Variants in PRICKLE2 observed in about 807,000 individuals in gnomAD.
PRICKLE2 encodes the protein prickle planar cell polarity protein 2.
PRICKLE2 carries 21 observed loss-of-function variants against 81.4 expected under a neutral mutation model. That is an observed-to-expected ratio of 0.26 (90% CI 0.18 to 0.37). The LOEUF is 0.37. Among genes scored for constraint, PRICKLE2 ranks in the 10% least tolerant of loss-of-function variants. The pLI, the probability that PRICKLE2 is intolerant of heterozygous loss-of-function variation, is 1.00. For missense variants in PRICKLE2, 940 were observed against 1,109.0 expected, an observed-to-expected ratio of 0.85 and a Z score of 2.16; for synonymous variants, 456 against 421.5, an observed-to-expected ratio of 1.08 and a Z score of -1.00.
At position 64,106,644 on chromosome 3, in the gene PRICKLE2, C is replaced by T. The variant is rs1270830320; in HGVS notation, c.1661-6719G>A. Among the ~76,000 whole-genome samples the T allele has an allele frequency of 3.3e-5, 5 of 152,358 alleles. No individual in the cohort carries two copies. In the East Asian group the frequency reaches 5.8e-4, roughly 18 times the overall value. On this transcript the variant is annotated intron_variant, in intron 7 of 7. Coordinates refer to ENST00000638394, the MANE Select transcript of PRICKLE2 (RefSeq NM_198859.4). ...TCACTCCATTTGTCTGTGCTGAACACGACACAGTGTCAAAATAATGCAAAT... is the reference window on the plus strand; with the variant it reads ...TCACTCCATTTGTCTGTGCTGAACATGACACAGTGTCAAAATAATGCAAAT...
intron 7 of PRICKLE2, among the ~76,000 whole-genome samples, chr3:64,138,290 G>T (rs2077307678): frequency 6.6e-6 from 1 of 152,182 alleles, no homozygotes; most frequent in South Asian, 2.1e-4. Context: ...CATGACTCAG[G>T]TCTGACATAC....
At chr3:64,158,131 T>C (rs2077668650) in intron 4 of PRICKLE2, among the ~76,000 whole-genome samples, 1 of 152,206 alleles carries the variant, frequency 6.6e-6, no homozygotes, top group Non-Finnish European at 1.5e-5. Context: ...ATGTGGAAAG[T>C]AGGTCTAGGG....
intron 1 of PRICKLE2, among the ~76,000 whole-genome samples, chr3:64,211,243 C>T (rs1357676535): frequency 6.6e-6 from 1 of 152,034 alleles, no homozygotes; most frequent in Non-Finnish European, 1.5e-5. Flanking sequence ...GAGGCAATGC[C>T]GAAATACTTG....
At position 64,261,511 on chromosome 3, in the gene PRICKLE2, T is replaced by A. The variant is rs140945370; in HGVS notation, c.129-62544A>T. ...TCTTGGAAAGTGCTTTGGAGAAAAG[T>A]TGGTAAGATAATGTGGCCAAGAAAA... On this transcript the variant is annotated intron_variant, in intron 2 of 8. Transcript: ENST00000295902. Among the ~76,000 whole-genome samples, 11 of 152,040 alleles carry A rather than the reference T, an allele frequency of 7.2e-5. No homozygotes were observed. The East Asian group carries it at 2.1e-3, about 29-fold the overall frequency.
chr3:64,191,897 G>A (rs1346956125), intron 2 of PRICKLE2, among the ~76,000 whole-genome samples: 4 of 152,144 alleles, frequency 2.6e-5, no homozygotes, highest in African/African-American at 7.2e-5. Context: ...CCTGGGTTTG[G>A]ATACACAGTG....
intron 7 of PRICKLE2, among the ~76,000 whole-genome samples, chr3:64,109,416 C>A (rs1174774600): frequency 6.6e-6 from 1 of 152,180 alleles, no homozygotes; most frequent in African/African-American, 2.4e-5. Context: ...CAGCCACTGG[C>A]CTATCTAGCA....
chr3:64,178,995 CTTTCTTTCTT>C (rs2078074847), intron 2 of PRICKLE2, among the ~76,000 whole-genome samples: 4 of 147,010 alleles, frequency 2.7e-5, no homozygotes, highest in African/African-American at 1.0e-4. Flanking sequence ...TTCTTTCTTT[CTTTCTTTCTT>C]TCTTTCTTTC....
chr3:64,208,914 G>A (rs1186091733), intron 1 of PRICKLE2, among the ~76,000 whole-genome samples: 1 of 151,894 alleles, frequency 6.6e-6, no homozygotes, highest in Non-Finnish European at 1.5e-5. Context: ...CCATCTACCT[G>A]TCCATCCATC....
chr3:64,128,858 G>C (rs929249609), intron 7 of PRICKLE2, among the ~76,000 whole-genome samples: 5 of 150,132 alleles, frequency 3.3e-5, no homozygotes, highest in African/African-American at 7.4e-5. Flanking sequence ...CTCCACCAAA[G>C]AAACAAACAA....
chr3:64,193,093 C>T (rs371014929), intron 2 of PRICKLE2, among the ~76,000 whole-genome samples: 7 of 152,156 alleles, frequency 4.6e-5, no homozygotes, highest in African/African-American at 1.7e-4. Flanking sequence ...TTACACATGA[C>T]CACTACACCT....
At chr3:64,222,308 A>G (rs2078968239) in intron 1 of PRICKLE2, among the ~76,000 whole-genome samples, 1 of 152,196 alleles carries the variant, frequency 6.6e-6, no homozygotes, top group Admixed American at 6.5e-5. Context: ...CAACTCTACT[A>G]AAGATCAGTA....
At chr3:64,173,841 G>T (rs778970076) in intron 2 of PRICKLE2, among the ~76,000 whole-genome samples, 1 of 152,076 alleles carries the variant, frequency 6.6e-6, no homozygotes, top group Non-Finnish European at 1.5e-5. Context: ...AGCCTTTTCC[G>T]AATCTCCAGA....
chr3:64,098,970 G>A lies in PRICKLE2; in HGVS notation c.*81C>T. Reference sequence around the variant, plus strand: ...TCCCCCATAAGCCACCCCCAAAAGCGCTTTAACATTTAAAACAGTGCAAGT... The same window carrying A: ...TCCCCCATAAGCCACCCCCAAAAGCACTTTAACATTTAAAACAGTGCAAGT... On this transcript the variant is annotated 3_prime_UTR_variant, in exon 8 of 8. Transcript: ENST00000638394. 4 of 1,555,216 alleles carry A rather than the reference G, an allele frequency of 2.6e-6. No homozygotes were observed. Among genetic ancestry groups the A allele is most frequent in the East Asian group, 2.2e-5 (1 of 44,610 alleles).
intron 7 of PRICKLE2, chr3:64,102,099 T>C (rs11706352): frequency 0.2 from 30,674 of 152,026 alleles, 3,641 homozygotes; most frequent in Non-Finnish European, 0.27. Flanking sequence ...ACATTTGTTA[T>C]GAAAAAAGGG....
Position 64,093,484 on chromosome 3 carries a change from T to C in PRICKLE2, c.*5567A>G, listed in dbSNP as rs1358789204. ...CATCATTTTACATTCCCACCAACAG[T>C]GTACAAGTGTTCCAATTGCTCCACA... is the stretch of plus-strand genomic sequence containing the variant. On this transcript the variant is annotated 3_prime_UTR_variant, in exon 8 of 8. Coordinates refer to ENST00000638394, the MANE Select transcript of PRICKLE2 (RefSeq NM_198859.4). The C allele has an allele frequency of 6.6e-6, 1 of 152,200 alleles. No homozygotes were observed. The highest frequency in any genetic ancestry group is 1.5e-5 in the Non-Finnish European group (1 of 68,042). The allele number at this position is 152,200 out of a possible 1,614,324, so 9.4% of individuals were successfully genotyped here.
At chr3:64,246,368 T>A (rs1409665196) in intron 2 of PRICKLE2, among the ~76,000 whole-genome samples, 1 of 152,176 alleles carries the variant, frequency 6.6e-6, no homozygotes, top group African/African-American at 2.4e-5. Flanking sequence ...AGCCCTGAAG[T>A]TGGAAAAAAC....
intron 2 of PRICKLE2, among the ~76,000 whole-genome samples, chr3:64,258,343 T>C (rs1485135828): frequency 6.6e-6 from 1 of 152,188 alleles, no homozygotes; most frequent in Non-Finnish European, 1.5e-5. Flanking sequence ...ATTGAATGAA[T>C]ATATTTTGAT....
chr3:64,243,094 TGA>T (rs2079292349), intron 2 of PRICKLE2, among the ~76,000 whole-genome samples: 2 of 152,198 alleles, frequency 1.3e-5, no homozygotes, highest in African/African-American at 4.8e-5. Context: ...AACCATGTAC[TGA>T]GAGTGGGAAT....
chr3:64,246,300 C>T (rs1329627312), intron 2 of PRICKLE2, among the ~76,000 whole-genome samples: 1 of 152,012 alleles, frequency 6.6e-6, no homozygotes, highest in African/African-American at 2.4e-5. Flanking sequence ...AACCTCATTG[C>T]TATAATTACC....
Sources: gnomAD v4.1 joint callset for allele counts (sites outside exome capture counted in the v4.1 genomes callset) on GRCh38, gnomAD v4.1.1 for gene constraint, MANE v1.5 for transcripts, NCBI Gene and HGNC (gene_info 2026-07-23, HGNC 2026-07-21) for gene names.